The following ADGRL2 variants were observed in gnomAD, a reference collection of about 807,000 sequenced individuals.
The protein encoded by ADGRL2 is adhesion G protein-coupled receptor L2.
In ADGRL2, 44 loss-of-function variants were observed where a neutral mutation model predicts 157.4. That is an observed-to-expected ratio of 0.28 (90% CI 0.22 to 0.36). The LOEUF (loss-of-function observed/expected upper bound fraction) is 0.36. ADGRL2 is among the 10% of genes least tolerant of loss of function. The pLI is 1.00. For missense variants in ADGRL2, 1,510 were observed against 1,768.9 expected (o/e 0.85, Z 2.63); for synonymous variants, 585 against 624.7 (o/e 0.94, Z 0.95).
intron 2 of ADGRL2, among the ~76,000 whole-genome samples, chr1:81,494,602 A>G (rs1485533189): frequency 6.6e-6 from 1 of 152,138 alleles, no homozygotes; most frequent in Non-Finnish European, 1.5e-5. Flanking sequence ...TTTGGTGCCA[A>G]AGTGTGGCCT....
At chr1:81,701,814 T>C (rs1159186649) in intron 1 of ADGRL2, among the ~76,000 whole-genome samples, 5 of 152,230 alleles carry the variant, frequency 3.3e-5, no homozygotes, top group African/African-American at 9.7e-5. Flanking sequence ...GTAAGCCAGA[T>C]AGATACAGTC....
At chr1:81,894,857 A>G (rs2094347494) in intron 2 of ADGRL2, among the ~76,000 whole-genome samples, 1 of 152,072 alleles carries the variant, frequency 6.6e-6, no homozygotes, top group Admixed American at 6.6e-5. Context: ...AGTTTTAGGG[A>G]AAATTCCTTT....
At chr1:81,917,936 G>A (rs1350449637) in intron 3 of ADGRL2, among the ~76,000 whole-genome samples, 1 of 152,120 alleles carries the variant, frequency 6.6e-6, no homozygotes, top group Admixed American at 6.6e-5. Context: ...CAAGTTCATG[G>A]GGTCAAATAC....
chr1:81,908,897 CAG>C (rs2094645234), intron 3 of ADGRL2, among the ~76,000 whole-genome samples: 4 of 141,528 alleles, frequency 2.8e-5, no homozygotes, highest in Non-Finnish European at 6.0e-5. Context: ...TTTTTTAAGA[CAG>C]AGTCTCACTC....
intron 1 of ADGRL2, among the ~76,000 whole-genome samples, chr1:81,407,637 A>G (rs1186724208): frequency 6.6e-6 from 1 of 152,244 alleles, no homozygotes; most frequent in Non-Finnish European, 1.5e-5. Context: ...GGAGAGATGC[A>G]TTCTCATGAT....
At chr1:81,365,094 A>G (rs1050147549) in intron 1 of ADGRL2, among the ~76,000 whole-genome samples, 1 of 152,148 alleles carries the variant, frequency 6.6e-6, no homozygotes, top group Non-Finnish European at 1.5e-5. Context: ...CTGGAGTTCA[A>G]GTGGGAGTAT....
chr1:81,336,963 C>T (rs76484246), intron 1 of ADGRL2, among the ~76,000 whole-genome samples: 2,564 of 151,548 alleles, frequency 0.017, 55 homozygotes, highest in South Asian at 0.052. Context: ...TTGACATCAG[C>T]GAGGAGCAGC....
intron 1 of ADGRL2, among the ~76,000 whole-genome samples, chr1:81,388,813 C>T (rs61768909): frequency 0.09 from 13,690 of 152,088 alleles, 788 homozygotes; most frequent in Admixed American, 0.18. Context: ...CCAAATAAAC[C>T]AAGCGATACT....
chr1:81,904,512 T>G (rs1301371485), intron 2 of ADGRL2, among the ~76,000 whole-genome samples: 1 of 152,178 alleles, frequency 6.6e-6, no homozygotes, highest in African/African-American at 2.4e-5. Context: ...GGCAGCCACA[T>G]CTGGTGAGGG....
At chr1:81,433,207 T>C (rs2077353307) in intron 1 of ADGRL2, among the ~76,000 whole-genome samples, 1 of 152,228 alleles carries the variant, frequency 6.6e-6, no homozygotes, top group Admixed American at 6.5e-5. Context: ...GTACTCTTTT[T>C]CTTTTATTTA....
chr1:81,606,274 A>T (rs2081430539), intron 3 of ADGRL2, among the ~76,000 whole-genome samples: 1 of 152,226 alleles, frequency 6.6e-6, no homozygotes, highest in Non-Finnish European at 1.5e-5. Flanking sequence ...TACTTGCTAC[A>T]CAGCAACAAA....
At chr1:81,817,492 T>C (rs1488660244) in intron 1 of ADGRL2, among the ~76,000 whole-genome samples, 1 of 151,998 alleles carries the variant, frequency 6.6e-6, no homozygotes, top group East Asian at 1.9e-4. Context: ...TTTTAAAAAA[T>C]TGAAGATCGT....
intron 18 of ADGRL2, 144 bp from the exon 19 acceptor site, chr1:81,981,664 G>T (rs1558045422): frequency 5.8e-6 from 4 of 686,454 alleles, no homozygotes; most frequent in Non-Finnish European, 1.0e-5. Flanking sequence ...TTCTTAATCA[G>T]AGAAAGGTTA....
intron 2 of ADGRL2, among the ~76,000 whole-genome samples, chr1:81,839,413 G>A (rs1005951717): frequency 6.6e-6 from 1 of 151,716 alleles, no homozygotes; most frequent in Non-Finnish European, 1.5e-5. Context: ...AAGTTATTTG[G>A]GCACAGGTGG....
At chr1:81,614,020 G>A (rs939572184) in intron 3 of ADGRL2, among the ~76,000 whole-genome samples, 2 of 151,958 alleles carry the variant, frequency 1.3e-5, no homozygotes, top group African/African-American at 2.4e-5. Flanking sequence ...TATTAAATGC[G>A]CTAAATAAAA....
At chr1:81,405,154 G>C (rs1314019328) in intron 1 of ADGRL2, among the ~76,000 whole-genome samples, 1 of 152,174 alleles carries the variant, frequency 6.6e-6, no homozygotes, top group Non-Finnish European at 1.5e-5. Context: ...GTATATGCAA[G>C]TGTAGCATGA....
chr1:81,897,894 A>T (rs903570279), intron 2 of ADGRL2, among the ~76,000 whole-genome samples: 1 of 152,146 alleles, frequency 6.6e-6, no homozygotes, highest in Admixed American at 6.5e-5. Context: ...CTTAGAAAAA[A>T]TTTTTTTGAA....
At chr1:81,375,405 A>G (rs2076232934) in intron 1 of ADGRL2, among the ~76,000 whole-genome samples, 2 of 152,232 alleles carry the variant, frequency 1.3e-5, no homozygotes, top group African/African-American at 2.4e-5. Context: ...GATAGCAAAC[A>G]GCAGCAAGAT....
At chr1:81,756,222 C>A (rs1471054888) in intron 1 of ADGRL2, among the ~76,000 whole-genome samples, 1 of 152,140 alleles carries the variant, frequency 6.6e-6, no homozygotes, top group Non-Finnish European at 1.5e-5. Context: ...AGTGAAAAGT[C>A]TCATATCTTC....
Sources: gnomAD v4.1 joint callset for allele counts (sites outside exome capture counted in the v4.1 genomes callset) on GRCh38, gnomAD v4.1.1 for gene constraint, MANE v1.5 for transcripts, NCBI Gene and HGNC (gene_info 2026-07-23, HGNC 2026-07-21) for gene names.